The following LPCAT1 variants were observed in gnomAD, a reference collection of about 807,000 sequenced individuals.
The protein encoded by LPCAT1 is lysophosphatidylcholine acyltransferase 1, also known as 1-acylglycerol-3-phosphate O-acyltransferase.
Under a neutral mutation model 60.9 loss-of-function variants are expected in LPCAT1, and 23 were observed. That is an observed-to-expected ratio of 0.38 (90% CI 0.27 to 0.53). The LOEUF is 0.53. Among genes scored for constraint, LPCAT1 ranks in the 20% least tolerant of loss-of-function variants. LPCAT1 has a pLI of 0.82. For missense variants in LPCAT1, 622 were observed against 723.6 expected (o/e 0.86, Z 1.61); for synonymous variants, 340 against 301.1 (o/e 1.13, Z -1.34).
At chr5:1,501,264 G>A (rs937788394) in intron 2 of LPCAT1, among the ~76,000 whole-genome samples, 197 bp downstream of exon 2, 17 of 152,374 alleles carry the variant, frequency 1.1e-4, no homozygotes, top group African/African-American at 4.1e-4. Flanking sequence ...GACTGTGGCG[G>A]AGGCGTGGAA....
intron 1 of LPCAT1, among the ~76,000 whole-genome samples, chr5:1,507,106 AG>A (rs1325262607): frequency 1.3e-5 from 2 of 152,058 alleles, no homozygotes; most frequent in African/African-American, 4.8e-5. Context: ...GAATGCGGAG[AG>A]GGGGAGGGAC....
intron 13 of LPCAT1, 126 bp downstream of exon 13, chr5:1,466,623 C>A: frequency 9.4e-7 from 1 of 1,064,948 alleles, no homozygotes; most frequent in Non-Finnish European, 1.3e-6. Flanking sequence ...TTACACAGGG[C>A]AGCCTGGTGA....
Position 1,496,178 on chromosome 5 carries a change from T to G in LPCAT1, c.279-1264A>C, listed in dbSNP as rs1036709072. Among the ~76,000 whole-genome samples the G allele has an allele frequency of 3.3e-5, 5 of 152,216 alleles. No homozygotes were observed. The highest frequency in any genetic ancestry group is 3.4e-3 in the Middle Eastern group (1 of 294). On this transcript the variant is annotated intron_variant, in intron 2 of 13. Coordinates refer to ENST00000283415, the MANE Select transcript of LPCAT1 (RefSeq NM_024830.5). The surrounding 1 kb of genome is among the most constrained non-coding windows in gnomAD (Gnocchi z 4.7). ...GAGCTCAAGACCAGCCTGGCCAACA[T>G]GGTGAAACCCTGTCTCTACTAAAAA...
At position 1,496,099 on chromosome 5, in the gene LPCAT1, G is replaced by A. The variant is rs1393658072; in HGVS notation, c.279-1185C>T. 2.0e-5 allele frequency among the ~76,000 whole-genome samples: 3 copies of A among 152,162 alleles called. No individual in the cohort carries two copies. The highest frequency in any genetic ancestry group is 6.5e-5 in the Admixed American group (1 of 15,276). On this transcript the variant is annotated intron_variant, in intron 2 of 13. Transcript: ENST00000283415. This position sits in a 1 kb window ranked among gnomAD's most constrained non-coding sequence, Gnocchi z 4.7. ...TTTCTGGCCAGGCATGGTGGCTCACGCCTGTAATCACAGCACTTTGGGAGG... is the reference window on the plus strand; with the variant it reads ...TTTCTGGCCAGGCATGGTGGCTCACACCTGTAATCACAGCACTTTGGGAGG...
intron 1 of LPCAT1, among the ~76,000 whole-genome samples, chr5:1,513,642 G>A (rs908287162): frequency 3.3e-5 from 5 of 152,032 alleles, no homozygotes; most frequent in South Asian, 4.1e-4. Context: ...GACACCCTGC[G>A]ATTATGTTTC....
chr5:1,480,370 G>T lies in LPCAT1; in HGVS notation c.761+572C>A, dbSNP rs151135690. On this transcript the variant is annotated intron_variant, in intron 7 of 13. Transcript: ENST00000283415. This position sits in a 1 kb window ranked among gnomAD's most constrained non-coding sequence, Gnocchi z 6.4. Reference sequence around the variant, plus strand: ...GCCTGGAATGGAGCTGCTCTCTCTTGGACTTTCCCGCTCCCTCTGCCCTCC... The same window carrying T: ...GCCTGGAATGGAGCTGCTCTCTCTTTGACTTTCCCGCTCCCTCTGCCCTCC... 8.1e-6 allele frequency: 8 copies of T among 985,310 alleles called. No homozygotes were observed. The highest frequency in any genetic ancestry group is 9.6e-6 in the Non-Finnish European group (8 of 829,898). The allele number at this position is 985,310 out of a possible 1,614,324, so 61.0% of individuals were successfully genotyped here. A position where few individuals can be genotyped will look rare whatever the true frequency, so the allele number is the denominator to read the frequency against.
At position 1,501,427 on chromosome 5, in the gene LPCAT1, C is replaced by A. The variant is rs1979397; in HGVS notation, c.278+34G>T. On this transcript the variant is annotated intron_variant, in intron 2 of 13. Transcript: ENST00000283415. The stretch of plus-strand genomic sequence containing the variant: ...CCACTGTTTGGCCGCGTGACCCCCC[C>A]CCAGGAGGAGAGCACGGCACACGCG... The A allele has an allele frequency of 0.13, 206,581 of 1,579,962 alleles. 19,267 individuals are homozygous for A. Among genetic ancestry groups the A allele is most frequent in the African/African-American group, 0.48 (35,745 of 74,178 alleles).
chr5:1,487,870 G>A lies in LPCAT1; in HGVS notation c.667+521C>T, dbSNP rs977291680. 2.6e-5 allele frequency among the ~76,000 whole-genome samples: 4 copies of A among 152,158 alleles called. No homozygotes were observed. Among genetic ancestry groups the A allele is most frequent in the African/African-American group, 9.7e-5 (4 of 41,440 alleles). On this transcript the variant is annotated intron_variant, in intron 5 of 13. Coordinates refer to ENST00000283415, the MANE Select transcript of LPCAT1 (RefSeq NM_024830.5). The surrounding 1 kb of genome is among the most constrained non-coding windows in gnomAD (Gnocchi z 6.1). ...CTGCCACACTTCCCACGTCAGGGGT[G>A]CAGACACAATACTAGACCCAGGTAA...
intron 3 of LPCAT1, among the ~76,000 whole-genome samples, 185 bp downstream of exon 3, chr5:1,494,515 G>A (rs1025540675): frequency 2.6e-5 from 4 of 151,772 alleles, no homozygotes; most frequent in Admixed American, 1.3e-4. Context: ...TTCCCAGAAG[G>A]GGGGGTCCCT....
chr5:1,523,770 C>A lies in LPCAT1; in HGVS notation c.75G>T (p.Ala25=), dbSNP rs1196875823. 1.7e-6 allele frequency: 2 copies of A among 1,152,822 alleles called. No individual in the cohort carries two copies. The highest frequency in any genetic ancestry group is 1.1e-6 in the Non-Finnish European group (1 of 933,388). 71.4% of individuals were successfully genotyped at this position (1,152,822 alleles called of 1,614,324 possible). A position where few individuals can be genotyped will look rare whatever the true frequency, so the allele number is the denominator to read the frequency against. ...GCACGAAGGGGTTCCGCCCCGGGGG[C>A]GCCAGCAGCCGAGCGTCGCTGGCCC... ...SAGASDARLL[A]PPGRNPFVHE... is the part of the protein sequence containing the mutation. The change falls in exon 1 of 14, where the codon GCG becomes GCT. Residue 25 remains alanine (A), a synonymous_variant. Coordinates refer to ENST00000283415, the MANE Select transcript of LPCAT1 (RefSeq NM_024830.5). The surrounding 1 kb of genome is among the most constrained non-coding windows in gnomAD (Gnocchi z 7.1).
chr5:1,466,238 T>A (rs2911486), intron 13 of LPCAT1, among the ~76,000 whole-genome samples: 5,135 of 152,274 alleles, frequency 0.034, 292 homozygotes, highest in African/African-American at 0.12. Context: ...TGCTCTGGAA[T>A]CAGCCGTGTT....
chr5:1,506,045 G>T (rs535156495), intron 1 of LPCAT1, among the ~76,000 whole-genome samples: 2 of 152,272 alleles, frequency 1.3e-5, no homozygotes, highest in African/African-American at 4.8e-5. Context: ...CAAGGAGAGG[G>T]GCCTGTGGGC....
chr5:1,468,116 G>A (rs900348380), intron 12 of LPCAT1, among the ~76,000 whole-genome samples: 2 of 152,130 alleles, frequency 1.3e-5, no homozygotes, highest in Non-Finnish European at 2.9e-5. Context: ...TTCCGGCCTG[G>A]CAAGCTGTCC....
At chr5:1,488,306 T>C in intron 5 of LPCAT1, 85 bp downstream of exon 5, 4 of 827,944 alleles carry the variant, frequency 4.8e-6, no homozygotes, top group Non-Finnish European at 7.7e-6. Context: ...ACTGTTCTTA[T>C]GTGCACAGCA....
At chr5:1,473,879 TATTAGA>T in intron 11 of LPCAT1, 72 bp downstream of exon 11, 1 of 1,522,710 alleles carries the variant, frequency 6.6e-7, no homozygotes, top group Non-Finnish European at 8.9e-7. Context: ...AATATATTTA[TATTAGA>T]ATGAGAACAA....
At chr5:1,468,709 C>T (rs1734542112) in intron 12 of LPCAT1, among the ~76,000 whole-genome samples, 1 of 152,232 alleles carries the variant, frequency 6.6e-6, no homozygotes, top group African/African-American at 2.4e-5. Context: ...AAACAAGGGG[C>T]CCCAAGGCGT....
chr5:1,505,779 A>C (rs967712709), intron 1 of LPCAT1, among the ~76,000 whole-genome samples: 2 of 151,972 alleles, frequency 1.3e-5, no homozygotes. Context: ...CCTGACCCTC[A>C]CCTCACACGT....
intron 13 of LPCAT1, among the ~76,000 whole-genome samples, chr5:1,465,220 A>G (rs984238972): frequency 6.7e-6 from 1 of 149,122 alleles, no homozygotes; most frequent in Non-Finnish European, 1.5e-5. Flanking sequence ...ACATGCGTGC[A>G]CACACACAAA....
intron 3 of LPCAT1, among the ~76,000 whole-genome samples, chr5:1,491,256 C>T (rs1018417154): frequency 5.9e-5 from 9 of 152,040 alleles, no homozygotes; most frequent in African/African-American, 1.9e-4. Context: ...CGCAGGATGG[C>T]GCACGCGTCA....
Sources: gnomAD v4.1 joint callset for allele counts (sites outside exome capture counted in the v4.1 genomes callset) on GRCh38, gnomAD v4.1.1 for gene constraint, Gnocchi (gnomAD v3.1) non-coding constraint, MANE v1.5 for transcripts, NCBI Gene and HGNC (gene_info 2026-07-23, HGNC 2026-07-21) for gene names.